MAP3K15: variants seen among roughly 807,000 people sequenced by gnomAD.
MAP3K15 encodes mitogen-activated protein kinase kinase kinase 15, also known as MAPK/ERK kinase kinase 15.
A neutral mutation model predicts 99.5 loss-of-function variants in MAP3K15; 124 were observed. The observed-to-expected ratio is 1.25, with a 90% confidence interval of 1.08 to 1.45. The LOEUF (loss-of-function observed/expected upper bound fraction) is 1.45, where lower values mean the gene tolerates loss of function less well. Ranked by LOEUF, MAP3K15 falls within the 40% of genes most tolerant of loss-of-function variation. MAP3K15 has a pLI of 0.00. For missense variants in MAP3K15, 1,242 were observed against 1,079.7 expected (o/e 1.15, Z -2.11); for synonymous variants, 494 against 439.6 (o/e 1.12, Z -1.55).
At chrX:19,414,790 T>C (rs1283623608) in intron 10 of MAP3K15, among the ~76,000 whole-genome samples, 1 of 111,768 alleles carries the variant, frequency 8.9e-6, no homozygotes. Context: ...ACAGCATCCC[T>C]GGTCTCTATC....
chrX:19,447,660 G>C (rs2064008733), intron 6 of MAP3K15, among the ~76,000 whole-genome samples: 1 of 103,537 alleles, frequency 9.7e-6, no homozygotes, highest in African/African-American at 3.5e-5. Flanking sequence ...GAGGCAGGCA[G>C]ATCACGAGGT....
intron 6 of MAP3K15, among the ~76,000 whole-genome samples, chrX:19,434,912 A>G (rs1036866680): frequency 2.7e-5 from 3 of 111,542 alleles, no homozygotes; most frequent in African/African-American, 9.8e-5. Flanking sequence ...GACTTTTTCC[A>G]TTTTCTACCT....
In MAP3K15 at chrX:19,413,402, G is replaced by T. The variant is rs780220344; in HGVS notation, c.1653C>A (p.Ala551=). 1 of 1,206,888 alleles carries T rather than the reference G, an allele frequency of 8.3e-7. No homozygotes were observed. The highest frequency in any genetic ancestry group is 1.1e-6 in the Non-Finnish European group (1 of 893,055). The change falls in exon 11 of 29, where the codon GCC becomes GCA. Residue 551 remains alanine (A), a synonymous_variant. Transcript: ENST00000338883. The part of the protein sequence containing the change: ...QPSYVSINNE[A]EERTVSLWHV... ...GCCATAAAGAAACTGTTCTCTCCTC[G>T]GCTTCATTGTTTATGGAAACATAAG... is the stretch of plus-strand genomic sequence containing the variant.
At chrX:19,385,293 C>T (rs1230917659) in intron 18 of MAP3K15, among the ~76,000 whole-genome samples, 1 of 111,235 alleles carries the variant, frequency 9.0e-6, no homozygotes, top group Non-Finnish European at 1.9e-5. Flanking sequence ...TGGGGGGCTT[C>T]AGTTTTTCAT....
At chrX:19,424,332 A>T (rs12388254) in intron 9 of MAP3K15, among the ~76,000 whole-genome samples, 536 of 106,747 alleles carry the variant, frequency 5.0e-3, no homozygotes, top group African/African-American at 8.9e-3. Flanking sequence ...ATATATATAT[A>T]TTTTTTTATG....
Position 19,451,913 on chromosome X carries a change from G to A in MAP3K15, c.995+5000C>T, listed in dbSNP as rs1347815253. Among the ~76,000 whole-genome samples the A allele has an allele frequency of 5.6e-5, 6 of 107,825 alleles. No homozygotes were observed. In the East Asian group the frequency reaches 8.7e-4, roughly 16 times the overall value. The allele number at this position is 107,825 out of a possible 115,157, so 93.6% of individuals were successfully genotyped here. On this transcript the variant is annotated intron_variant, in intron 6 of 28. Transcript: ENST00000338883. The stretch of plus-strand genomic sequence containing the variant: ...ATCCCATCTCTACCAAAAAACATTC[G>A]CCAGGTGTGGTGGTGTGCACCTGTA...
chrX:19,405,849 C>T (rs985945181), intron 13 of MAP3K15, among the ~76,000 whole-genome samples: 3 of 112,159 alleles, frequency 2.7e-5, no homozygotes, highest in African/African-American at 9.7e-5. Context: ...CTGTGTGAAA[C>T]GTATATGGAA....
At chrX:19,514,488 C>T (rs2064542025) in intron 1 of MAP3K15, among the ~76,000 whole-genome samples, 1 of 64,954 alleles carries the variant, frequency 1.5e-5, no homozygotes, top group Non-Finnish European at 2.9e-5. Flanking sequence ...ACTCTACCCT[C>T]CCCCAAAGGC....
chrX:19,414,917 T>G (rs1016640514), intron 10 of MAP3K15, among the ~76,000 whole-genome samples, 190 bp downstream of exon 10: 1 of 112,049 alleles, frequency 8.9e-6, no homozygotes, highest in Non-Finnish European at 1.9e-5. Context: ...ATGACTACTA[T>G]AGAGGATATG....
Position 19,395,208 on chromosome X carries a change from C to A in MAP3K15, c.2067G>T (p.Arg689Ser), listed in dbSNP as rs1252359749. Residue 689 changes from arginine (R) to serine (S), a missense_variant and splice_region_variant, in exon 16 of 29, where the codon AGG becomes AGT. Coordinates refer to ENST00000338883, the MANE Select transcript of MAP3K15 (RefSeq NM_001001671.4). ...TCTCCTCGTGCAGAGGCTGAGAATACCTATTGGGAAAAACAGAGCCAGGGT... is the reference window on the plus strand; with the variant it reads ...TCTCCTCGTGCAGAGGCTGAGAATAACTATTGGGAAAAACAGAGCCAGGGT... ...AIKEIPERDS[R>S]YSQPLHEEIA... The A allele has an allele frequency of 8.3e-7, 1 of 1,204,680 alleles. No individual in the cohort carries two copies. The highest frequency in any genetic ancestry group is 1.1e-6 in the Non-Finnish European group (1 of 891,168).
chrX:19,430,253 T>G (rs2147310600), intron 7 of MAP3K15, among the ~76,000 whole-genome samples: 1 of 111,975 alleles, frequency 8.9e-6, no homozygotes, highest in Admixed American at 9.5e-5. Context: ...GCTGCTCCCT[T>G]GTTCACTCTC....
intron 18 of MAP3K15, among the ~76,000 whole-genome samples, chrX:19,380,587 G>A (rs757863115): frequency 1.3e-4 from 15 of 111,419 alleles, no homozygotes; most frequent in South Asian, 3.8e-4. Context: ...GTGCAGTGGC[G>A]TGATCTCGGC....
At chrX:19,409,073 T>C (rs1184514500) in intron 12 of MAP3K15, among the ~76,000 whole-genome samples, 1 of 111,708 alleles carries the variant, frequency 9.0e-6, no homozygotes, top group Non-Finnish European at 1.9e-5. Flanking sequence ...ATCATCCCAA[T>C]GCACTACTTT....
intron 6 of MAP3K15, among the ~76,000 whole-genome samples, chrX:19,442,592 C>T (rs1014678812): frequency 2.6e-4 from 27 of 105,747 alleles, no homozygotes; most frequent in Non-Finnish European, 4.1e-4. Flanking sequence ...GGTGCGATCT[C>T]GACTCACTGC....
rs2063372269 is a variant in MAP3K15, at chrX:19,371,140, C to T, written c.3295-76G>A. On this transcript the variant is annotated intron_variant, in intron 23 of 28. Coordinates refer to ENST00000338883, the MANE Select transcript of MAP3K15 (RefSeq NM_001001671.4). ...TTCCAGTGCATTGCACGGAGAATCA[C>T]GGCAACCTACACTCATCCTCTTGGG... 9.3e-6 allele frequency: 8 copies of T among 862,826 alleles called. No individual in the cohort carries two copies. In the South Asian group the frequency reaches 1.0e-4, roughly 11 times the overall value. The allele number at this position is 862,826 out of a possible 1,213,427, so 71.1% of individuals were successfully genotyped here.
chrX:19,438,964 G>A (rs1291450489), intron 6 of MAP3K15, among the ~76,000 whole-genome samples: 1 of 112,119 alleles, frequency 8.9e-6, no homozygotes, highest in East Asian at 2.8e-4. Flanking sequence ...TTGGGAGGCC[G>A]AGACGGGCAG....
intron 4 of MAP3K15, among the ~76,000 whole-genome samples, chrX:19,462,014 CACACACACACACACACACACACACA>C (rs1429969637): frequency 2.0e-4 from 3 of 15,369 alleles, no homozygotes; most frequent in Non-Finnish European, 1.0e-3. Flanking sequence ...CACACACACA[CACACACACACACACACACACACACA>C]AAACAAAGCT....
At chrX:19,482,586 G>A (rs756256205) in intron 3 of MAP3K15, among the ~76,000 whole-genome samples, 1 of 111,797 alleles carries the variant, frequency 8.9e-6, no homozygotes, top group Non-Finnish European at 1.9e-5. Flanking sequence ...TTCTTGCCTG[G>A]GGCTGGGTGT....
intron 7 of MAP3K15, among the ~76,000 whole-genome samples, chrX:19,429,858 T>C (rs998589891): frequency 8.8e-5 from 9 of 102,418 alleles, no homozygotes; most frequent in Non-Finnish European, 1.8e-4. Flanking sequence ...AGAACAGCAA[T>C]GTCAAGAGCT....
Sources: gnomAD v4.1 joint callset for allele counts (sites outside exome capture counted in the v4.1 genomes callset) on GRCh38, gnomAD v4.1.1 for gene constraint, MANE v1.5 for transcripts, NCBI Gene and HGNC (gene_info 2026-07-23, HGNC 2026-07-21) for gene names.